Variants in CSMD1 observed in about 807,000 individuals in gnomAD.
CSMD1 encodes the protein CUB and Sushi multiple domains 1, also known as CUB and sushi domain-containing protein 1.
In CSMD1, 213 loss-of-function variants were observed where a neutral mutation model predicts 417.5. That is an observed-to-expected ratio of 0.51 (90% CI 0.46 to 0.57). CSMD1 has a LOEUF of 0.57. Ranked by LOEUF, CSMD1 falls within the 20% of genes least tolerant of loss-of-function variation. The probability of loss-of-function intolerance (pLI) is 0.00; values close to 1 mark genes in which losing one functional copy is unlikely to be tolerated. For missense variants in CSMD1, 6,923 were observed against 4,529.7 expected (o/e 1.53, Z -15.17); for synonymous variants, 2,862 against 1,736.8 (o/e 1.65, Z -16.11).
intron 18 of CSMD1, among the ~76,000 whole-genome samples, chr8:3,385,091 AAAATAT>A (rs1810917365): frequency 1.9e-5 from 2 of 107,144 alleles, no homozygotes; most frequent in African/African-American, 7.5e-5. Context: ...ATTTATATAT[AAAATAT>A]ATATATAAAT....
rs117238247 is a variant in CSMD1, at chr8:4,399,972, C to T, written c.415+19981G>A. Among the ~76,000 whole-genome samples the T allele has an allele frequency of 3.3e-3, 495 of 152,202 alleles. 17 individuals are homozygous for T. In the East Asian group the frequency reaches 0.077, roughly 24 times the overall value. Reference sequence around the variant, plus strand: ...GGCTCTCTGGACCAATGTATTAGCACCAGGTTGATAAGCCTTTCTTTCCAA... The same window carrying T: ...GGCTCTCTGGACCAATGTATTAGCATCAGGTTGATAAGCCTTTCTTTCCAA... On this transcript the variant is annotated intron_variant, in intron 3 of 69. Coordinates refer to ENST00000635120, the MANE Select transcript of CSMD1 (RefSeq NM_033225.6).
At chr8:4,878,854 G>A (rs1471615365) in intron 1 of CSMD1, among the ~76,000 whole-genome samples, 2 of 151,458 alleles carry the variant, frequency 1.3e-5, no homozygotes, top group African/African-American at 4.9e-5. Flanking sequence ...ACCGAGACTT[G>A]CAGGATAAGG....
chr8:4,185,966 A>C (rs1242722416), intron 3 of CSMD1, among the ~76,000 whole-genome samples: 1 of 152,166 alleles, frequency 6.6e-6, no homozygotes, highest in African/African-American at 2.4e-5. Flanking sequence ...GGTGGAATAC[A>C]GAAATCATTC....
intron 7 of CSMD1, among the ~76,000 whole-genome samples, chr8:3,669,733 CA>C (rs748417785): frequency 1.3e-5 from 2 of 152,074 alleles, no homozygotes; most frequent in Non-Finnish European, 1.5e-5. Context: ...GCCAGGAGGA[CA>C]GGGGCCCTGA....
chr8:4,429,510 G>A (rs1014269138), intron 2 of CSMD1, among the ~76,000 whole-genome samples: 1 of 152,138 alleles, frequency 6.6e-6, no homozygotes, highest in African/African-American at 2.4e-5. Flanking sequence ...TATATAATTT[G>A]TAGAATTCAA....
chr8:3,921,849 T>C (rs1219762773), intron 5 of CSMD1, among the ~76,000 whole-genome samples: 1 of 152,178 alleles, frequency 6.6e-6, no homozygotes, highest in African/African-American at 2.4e-5. Flanking sequence ...TAGAAAAATG[T>C]ATATGCTGCT....
At chr8:3,315,948 C>G (rs576993908) in intron 23 of CSMD1, among the ~76,000 whole-genome samples, 25 of 152,118 alleles carry the variant, frequency 1.6e-4, no homozygotes, top group Admixed American at 3.3e-4. Flanking sequence ...TGCAGAGCTT[C>G]CAGCAGGTCA....
chr8:3,272,276 T>G (rs1243216082), intron 26 of CSMD1, among the ~76,000 whole-genome samples: 1 of 144,606 alleles, frequency 6.9e-6, no homozygotes, highest in Non-Finnish European at 1.5e-5. Context: ...CTCTGTTCTA[T>G]TCCATTGATC....
chr8:4,105,105 G>T (rs747687205), intron 3 of CSMD1, among the ~76,000 whole-genome samples: 1 of 152,130 alleles, frequency 6.6e-6, no homozygotes, highest in African/African-American at 2.4e-5. Flanking sequence ...GTTTTAATGT[G>T]TCCTTAGCTC....
chr8:3,882,234 A>T (rs1471734232), intron 5 of CSMD1, among the ~76,000 whole-genome samples: 1 of 152,206 alleles, frequency 6.6e-6, no homozygotes, highest in Non-Finnish European at 1.5e-5. Context: ...AAAAAAAGTA[A>T]TTGATTTGAA....
intron 6 of CSMD1, among the ~76,000 whole-genome samples, chr8:3,743,629 C>A (rs763675575): frequency 6.6e-6 from 1 of 152,138 alleles, no homozygotes; most frequent in South Asian, 2.1e-4. Context: ...ACCTTCCTTC[C>A]CCTTTTTGGT....
intron 3 of CSMD1, among the ~76,000 whole-genome samples, chr8:4,325,073 C>T (rs1173979776): frequency 6.6e-6 from 1 of 152,086 alleles, no homozygotes; most frequent in Non-Finnish European, 1.5e-5. Context: ...CCAGTGGAGC[C>T]AGGAGGGAAA....
intron 3 of CSMD1, among the ~76,000 whole-genome samples, chr8:4,417,498 C>A (rs560745637): frequency 1.3e-5 from 2 of 152,006 alleles, no homozygotes; most frequent in East Asian, 3.8e-4. Context: ...AATACTACCA[C>A]AATTCCATGT....
intron 2 of CSMD1, among the ~76,000 whole-genome samples, chr8:4,622,214 T>C (rs1801822304): frequency 1.3e-5 from 2 of 149,856 alleles, no homozygotes; most frequent in Non-Finnish European, 3.0e-5. Flanking sequence ...GACCTGACAT[T>C]ACCTGGAGGC....
chr8:4,787,198 G>T (rs1321366177), intron 1 of CSMD1: 1 of 444,424 alleles, frequency 2.3e-6, no homozygotes, highest in Non-Finnish European at 4.2e-6. Flanking sequence ...GCGCAGGGTC[G>T]CGGGGCCCCG....
chr8:3,737,254 G>A (rs1187705590), intron 6 of CSMD1, among the ~76,000 whole-genome samples: 2 of 152,172 alleles, frequency 1.3e-5, no homozygotes, highest in African/African-American at 4.8e-5. Context: ...CCGATTGGGA[G>A]TAATGGCCTA....
intron 3 of CSMD1, among the ~76,000 whole-genome samples, chr8:4,316,851 T>C (rs1188085920): frequency 2.0e-5 from 3 of 152,166 alleles, no homozygotes; most frequent in Non-Finnish European, 2.9e-5. Context: ...TAGCTGCTTC[T>C]ATTAGTGATG....
chr8:3,157,173 G>A (rs1819588284), intron 39 of CSMD1, among the ~76,000 whole-genome samples: 2 of 152,054 alleles, frequency 1.3e-5, no homozygotes, highest in South Asian at 4.1e-4. Flanking sequence ...CTGAGCTACA[G>A]GTAAAGGTTT....
In CSMD1 at chr8:4,322,060, T is replaced by G. The variant is rs193116765; in HGVS notation, c.415+97893A>C. 4.3e-3 allele frequency among the ~76,000 whole-genome samples: 654 copies of G among 152,260 alleles called. 3 individuals are homozygous for G. The highest frequency in any genetic ancestry group is 0.015 in the African/African-American group (614 of 41,582). ...ATATTTTAAATGCCTAATTCACAGA[T>G]ACTTTTCATCATAGACTGAAATGAA... On this transcript the variant is annotated intron_variant, in intron 3 of 69. Coordinates refer to ENST00000635120, the MANE Select transcript of CSMD1 (RefSeq NM_033225.6).
Sources: allele counts gnomAD v4.1 joint callset (sites outside exome capture counted in the v4.1 genomes callset), GRCh38; gene constraint gnomAD v4.1.1; transcripts MANE v1.5; gene names NCBI Gene and HGNC (gene_info 2026-07-23, HGNC 2026-07-21).